Variants in COL24A1 observed in about 807,000 individuals in gnomAD.
The protein encoded by COL24A1 is collagen type XXIV alpha 1 chain.
A neutral mutation model predicts 253.9 loss-of-function variants in COL24A1; 224 were observed. That is an observed-to-expected ratio of 0.88 (90% confidence interval 0.79 to 0.99). The LOEUF (loss-of-function observed/expected upper bound fraction) is 0.99. COL24A1 is among the 50% of genes least tolerant of loss of function. The pLI, the probability that COL24A1 is intolerant of heterozygous loss-of-function variation, is 0.00. For missense variants in COL24A1, 2,131 were observed against 2,068.5 expected (o/e 1.03, Z -0.59); for synonymous variants, 685 against 673.7 (o/e 1.02, Z -0.26).
At chr1:85,779,432 A>T (rs1303876317) in intron 52 of COL24A1, among the ~76,000 whole-genome samples, 1 of 152,094 alleles carries the variant, frequency 6.6e-6, no homozygotes, top group Non-Finnish European at 1.5e-5. Flanking sequence ...GTTCTTGAGA[A>T]GTTGTAGTCA....
chr1:86,041,586 C>A (rs540441951), intron 12 of COL24A1, among the ~76,000 whole-genome samples: 1 of 152,178 alleles, frequency 6.6e-6, no homozygotes, highest in Admixed American at 6.5e-5. Context: ...AAAAAGGAAG[C>A]TACTTGGAGT....
intron 19 of COL24A1, among the ~76,000 whole-genome samples, chr1:85,992,242 G>A (rs1278164555): frequency 1.1e-4 from 16 of 152,104 alleles, no homozygotes. Context: ...TCCCTACAAA[G>A]GACATGAACT....
chr1:85,762,986 A>G (rs758147530), intron 53 of COL24A1, among the ~76,000 whole-genome samples: 21 of 152,238 alleles, frequency 1.4e-4, no homozygotes, highest in South Asian at 2.1e-4. Flanking sequence ...GGGCAACTCC[A>G]ATGTAACCAC....
Position 85,846,276 on chromosome 1 carries a change from A to T in COL24A1, c.3462+1389T>A, listed in dbSNP as rs571824415. On this transcript the variant is annotated intron_variant, in intron 39 of 59. Coordinates refer to ENST00000370571, the MANE Select transcript of COL24A1 (RefSeq NM_152890.7). ...TACATCTTAAAGAGTTAAGGTAAAA[A>T]TAAAGTTATAAAAGTATTAGAAGAA... Among the ~76,000 whole-genome samples the T allele has an allele frequency of 3.9e-5, 6 of 151,982 alleles. No homozygotes were observed. In the South Asian group the frequency reaches 1.2e-3, roughly 31 times the overall value.
intron 24 of COL24A1, among the ~76,000 whole-genome samples, chr1:85,959,433 C>T (rs1302332237): frequency 1.3e-5 from 2 of 152,008 alleles, no homozygotes; most frequent in Non-Finnish European, 2.9e-5. Flanking sequence ...ATTAAAATAT[C>T]CAAGCATGGC....
At chr1:85,783,998 A>C (rs1669404941) in intron 50 of COL24A1, 115 bp downstream of exon 50, 14 of 726,640 alleles carry the variant, frequency 1.9e-5, no homozygotes, top group Non-Finnish European at 2.9e-5. Context: ...ATATATAAAT[A>C]TGTACCAACT....
chr1:85,915,218 C>T (rs543665365), intron 24 of COL24A1, among the ~76,000 whole-genome samples: 60 of 152,288 alleles, frequency 3.9e-4, no homozygotes, highest in African/African-American at 1.4e-3. Context: ...TAGGCTGGGA[C>T]ATTAGTCTTC....
At position 85,936,708 on chromosome 1, in the gene COL24A1, C is replaced by A. The variant is rs1688276770; in HGVS notation, c.2562+24541G>T. On this transcript the variant is annotated intron_variant, in intron 24 of 59. Coordinates refer to ENST00000370571, the MANE Select transcript of COL24A1 (RefSeq NM_152890.7). ...CTTTGGGCCACATGACCTGGCAGAC[C>A]CTACGGTATTAGAGGAATCAATGGT... Among the ~76,000 whole-genome samples, 2 of 146,692 alleles carry A rather than the reference C, an allele frequency of 1.4e-5. 1 individual carries two copies. Among genetic ancestry groups the A allele is most frequent in the South Asian group, 5.0e-4 (2 of 4,026 alleles).
intron 43 of COL24A1, among the ~76,000 whole-genome samples, chr1:85,827,813 C>G (rs1242385657): frequency 6.6e-6 from 1 of 151,790 alleles, no homozygotes; most frequent in Non-Finnish European, 1.5e-5. Context: ...ATTCTTCTCT[C>G]TTTTCTTTAT....
At chr1:85,975,314 C>G (rs762763994) in intron 20 of COL24A1, among the ~76,000 whole-genome samples, 3 of 152,106 alleles carry the variant, frequency 2.0e-5, no homozygotes, top group African/African-American at 7.2e-5. Flanking sequence ...TCTGCATTCT[C>G]AAGTTTATTG....
chr1:86,083,115 G>A (rs1457174604), intron 7 of COL24A1, among the ~76,000 whole-genome samples: 1 of 151,942 alleles, frequency 6.6e-6, no homozygotes, highest in African/African-American at 2.4e-5. Context: ...GGCTAACACG[G>A]TGAAACCCCG....
chr1:85,769,503 G>A (rs549281493), intron 53 of COL24A1, among the ~76,000 whole-genome samples: 25 of 152,074 alleles, frequency 1.6e-4, no homozygotes, highest in African/African-American at 5.5e-4. Flanking sequence ...GTAGGGTGGG[G>A]TCAAAACATT....
chr1:86,130,626 G>A (rs1649017176), intron 2 of COL24A1, among the ~76,000 whole-genome samples: 2 of 151,260 alleles, frequency 1.3e-5, no homozygotes, highest in African/African-American at 2.4e-5. Context: ...TCTAATATTA[G>A]TCTATAGGAG....
chr1:85,944,629 G>C (rs1243762217), intron 24 of COL24A1, among the ~76,000 whole-genome samples: 2 of 151,756 alleles, frequency 1.3e-5, no homozygotes, highest in African/African-American at 4.8e-5. Context: ...TTAAGTTTTA[G>C]GGTAAATGTG....
At chr1:86,134,053 C>T (rs1206718381) in intron 2 of COL24A1, among the ~76,000 whole-genome samples, 1 of 152,024 alleles carries the variant, frequency 6.6e-6, no homozygotes, top group Non-Finnish European at 1.5e-5. Flanking sequence ...TGAAGAGATT[C>T]AACTTCTTCC....
At chr1:85,868,714 T>A in intron 36 of COL24A1, 68 bp downstream of exon 36, 1 of 1,421,370 alleles carries the variant, frequency 7.0e-7, no homozygotes, top group Non-Finnish European at 9.7e-7. Flanking sequence ...ACAAAAACAA[T>A]GATGTCTAAT....
intron 43 of COL24A1, among the ~76,000 whole-genome samples, chr1:85,825,895 G>T (rs1674255062): frequency 3.7e-5 from 3 of 80,856 alleles, no homozygotes; most frequent in South Asian, 5.3e-4. Flanking sequence ...TCTGATGGTA[G>T]TTTCTTTTGC....
chr1:85,850,157 G>A (rs1677598948), intron 37 of COL24A1, among the ~76,000 whole-genome samples: 1 of 151,918 alleles, frequency 6.6e-6, no homozygotes, highest in African/African-American at 2.4e-5. Flanking sequence ...AGTAAAAGTG[G>A]GGCACTATAT....
At chr1:86,014,967 C>G (rs1421686339) in intron 19 of COL24A1, among the ~76,000 whole-genome samples, 3 of 152,074 alleles carry the variant, frequency 2.0e-5, no homozygotes, top group Non-Finnish European at 2.9e-5. Context: ...TTAACGCATA[C>G]AGGATAAAGT....
Sources: gnomAD v4.1 joint callset for allele counts (sites outside exome capture counted in the v4.1 genomes callset) on GRCh38, gnomAD v4.1.1 for gene constraint, MANE v1.5 for transcripts, NCBI Gene and HGNC (gene_info 2026-07-23, HGNC 2026-07-21) for gene names.